VWA3B: variants seen among roughly 807,000 people sequenced by gnomAD.
VWA3B encodes the protein von Willebrand factor A domain-containing protein 3B.
VWA3B carries 138 observed loss-of-function variants against 158.3 expected under a neutral mutation model. The ratio of observed to expected loss-of-function variants is 0.87; its 90% CI spans 0.76 to 1.00. The LOEUF (loss-of-function observed/expected upper bound fraction) is 1.00. VWA3B is among the 50% of genes least tolerant of loss of function. The pLI is 0.00. For missense variants in VWA3B, 1,555 were observed against 1,565.1 expected (o/e 0.99, Z 0.11); for synonymous variants, 596 against 587.3 (o/e 1.01, Z -0.21).
intron 24 of VWA3B, among the ~76,000 whole-genome samples, chr2:98,298,793 C>T (rs992761958): frequency 7.9e-5 from 12 of 152,260 alleles, no homozygotes; most frequent in Non-Finnish European, 1.6e-4. Context: ...GCAAGAGGCT[C>T]AAGGGCGCTG....
At chr2:98,275,401 A>G (rs1029722245) in intron 22 of VWA3B, among the ~76,000 whole-genome samples, 23 of 152,132 alleles carry the variant, frequency 1.5e-4, no homozygotes, top group African/African-American at 5.6e-4. Flanking sequence ...ATTTGGAGGT[A>G]ATTTCAGGTG....
chr2:98,290,763 G>T, intron 23 of VWA3B, 141 bp downstream of exon 23: 1 of 643,780 alleles, frequency 1.6e-6, no homozygotes, highest in Non-Finnish European at 2.7e-6. Flanking sequence ...CAGAGAAGAA[G>T]TGGAATATCT....
rs1346933553 is a variant in VWA3B at position 98,250,376 on chromosome 2, A to G, written c.2732A>G (p.Gln911Arg). The G allele has an allele frequency of 6.2e-7, 1 of 1,613,648 alleles. No homozygotes were observed. The highest frequency in any genetic ancestry group is 8.5e-7 in the Non-Finnish European group (1 of 1,179,870). Reference protein sequence around the residue: ...DTNKMTLINPQGAKLNIYKRK... With the variant: ...DTNKMTLINPRGAKLNIYKRK... ...AATAAGATGACATTAATTAACCCCC[A>G]AGGAGCCAAACTCAATATCTACAAG... Residue 911 changes from glutamine to arginine, a missense_variant, in exon 20 of 28, where the codon CAA becomes CGA. Coordinates refer to ENST00000477737, the MANE Select transcript of VWA3B (RefSeq NM_144992.5).
At chr2:98,226,604 G>A (rs1684930021) in intron 14 of VWA3B, among the ~76,000 whole-genome samples, 1 of 152,162 alleles carries the variant, frequency 6.6e-6, no homozygotes, top group South Asian at 2.1e-4. Context: ...TTCACTCTGT[G>A]GGAGACCCTG....
At chr2:98,173,715 C>T (rs567341957) in intron 8 of VWA3B, among the ~76,000 whole-genome samples, 62 of 152,240 alleles carry the variant, frequency 4.1e-4, no homozygotes, top group Admixed American at 2.3e-3. Context: ...CGCCTGTAAT[C>T]CCAGTACTTT....
chr2:98,197,672 A>C (rs1008008438), intron 12 of VWA3B, among the ~76,000 whole-genome samples: 2 of 152,150 alleles, frequency 1.3e-5, no homozygotes, highest in African/African-American at 4.8e-5. Context: ...GTTATAATCT[A>C]ATACTATCAT....
At chr2:98,265,348 C>A (rs1403214864) in intron 21 of VWA3B, among the ~76,000 whole-genome samples, 1 of 151,634 alleles carries the variant, frequency 6.6e-6, no homozygotes, top group Non-Finnish European at 1.5e-5. Flanking sequence ...CCAATTTCAT[C>A]CATGTCCCTA....
At chr2:98,216,992 C>G (rs1450031092) in intron 13 of VWA3B, 24 of 1,271,580 alleles carry the variant, frequency 1.9e-5, no homozygotes, top group Non-Finnish European at 2.4e-5. Flanking sequence ...ACCCGCCCCG[C>G]ACCCAGTCTC....
intron 12 of VWA3B, chr2:98,206,592 G>T: frequency 2.2e-6 from 1 of 464,366 alleles, no homozygotes; most frequent in South Asian, 1.9e-5. Flanking sequence ...AACATCATTG[G>T]AGAGCCTATT....
chr2:98,147,842 A>C (rs866454320), intron 7 of VWA3B, among the ~76,000 whole-genome samples: 57 of 145,652 alleles, frequency 3.9e-4, no homozygotes, highest in East Asian at 8.1e-4. Flanking sequence ...TAATGCTATC[A>C]CTCCCCCCTC....
intron 2 of VWA3B, among the ~76,000 whole-genome samples, chr2:98,109,739 A>C (rs1053758651): frequency 1.3e-5 from 2 of 149,412 alleles, no homozygotes; most frequent in African/African-American, 4.9e-5. Context: ...CTTTATTTCT[A>C]CTTTATTCCT....
intron 22 of VWA3B, among the ~76,000 whole-genome samples, chr2:98,289,473 C>A (rs1333127274): frequency 6.6e-6 from 1 of 152,168 alleles, no homozygotes; most frequent in Non-Finnish European, 1.5e-5. Flanking sequence ...TATTTTCTCT[C>A]AGAACTTTGA....
At chr2:98,248,815 C>T (rs1159947000) in intron 19 of VWA3B, among the ~76,000 whole-genome samples, 1 of 150,930 alleles carries the variant, frequency 6.6e-6, no homozygotes, top group Non-Finnish European at 1.5e-5. Flanking sequence ...GTCTCTCTTT[C>T]TCTTTCTTTT....
Position 98,142,766 on chromosome 2 carries a change from A to T in VWA3B, c.988+8827A>T, listed in dbSNP as rs565097967. The stretch of plus-strand genomic sequence containing the variant: ...CTGTTTTTTGATGTTCTAAAACAAC[A>T]CTTCAAGAATAGATGTTGGAGAATG... On this transcript the variant is annotated intron_variant, in intron 7 of 27. Coordinates refer to ENST00000477737, the MANE Select transcript of VWA3B (RefSeq NM_144992.5). 2.2e-3 allele frequency among the ~76,000 whole-genome samples: 332 copies of T among 152,316 alleles called. 7 individuals are homozygous for T. The South Asian group carries it at 0.029, about 13-fold the overall frequency.
rs142935132 is a variant in VWA3B, at chr2:98,264,474, C to T, written c.2844-6208C>T. Among the ~76,000 whole-genome samples, 435 of 152,184 alleles carry T rather than the reference C, an allele frequency of 2.9e-3. 2 individuals carry two copies. The highest frequency in any genetic ancestry group is 0.017 in the Middle Eastern group (5 of 294). On this transcript the variant is annotated intron_variant, in intron 21 of 27. Transcript: ENST00000477737. The stretch of plus-strand genomic sequence containing the variant: ...ATTTCCCTTGTGATTTATTCTTTGA[C>T]ACATTGGTTGTTTAAGAATATGTGA...
intron 1 of VWA3B, among the ~76,000 whole-genome samples, chr2:98,089,034 T>C (rs1682076551): frequency 6.6e-6 from 1 of 152,108 alleles, no homozygotes; most frequent in African/African-American, 2.4e-5. Context: ...GAGAGCACTT[T>C]GGCACTTTAA....
chr2:98,147,002 T>A (rs562567039), intron 7 of VWA3B, among the ~76,000 whole-genome samples: 11 of 152,230 alleles, frequency 7.2e-5, no homozygotes, highest in South Asian at 4.1e-4. Flanking sequence ...CTCATTTAAA[T>A]AAAATTGATA....
In VWA3B at chr2:98,181,211, C is replaced by T. The variant is rs551578261; in HGVS notation, c.1310C>T (p.Ala437Val). Residue 437 changes from alanine (A) to valine (V), a missense_variant and splice_region_variant, in exon 9 of 28, where the codon GCG becomes GTG. Transcript: ENST00000477737. Reference protein sequence around the residue: ...KPENESVQTSAETNKKTVHAK... With the variant: ...KPENESVQTSVETNKKTVHAK... ...GAGAATGAGTCCGTGCAGACCAGTG[C>T]GGTAGGTGAAGTGCACTCCTGGGAG... 2.7e-5 allele frequency: 43 copies of T among 1,613,408 alleles called. 1 individual carries two copies. The highest frequency in any genetic ancestry group is 1.6e-4 in the South Asian group (15 of 90,968).
intron 1 of VWA3B, among the ~76,000 whole-genome samples, chr2:98,092,819 T>C (rs1326120336): frequency 2.3e-5 from 1 of 43,590 alleles, no homozygotes; most frequent in Non-Finnish European, 4.3e-5. Flanking sequence ...TGTTTTTGTA[T>C]ATATATATAT....
Sources: gnomAD v4.1 joint callset for allele counts (sites outside exome capture counted in the v4.1 genomes callset) on GRCh38, gnomAD v4.1.1 for gene constraint, MANE v1.5 for transcripts, NCBI Gene and HGNC (gene_info 2026-07-23, HGNC 2026-07-21) for gene names.